The following CDH10 variants were observed in gnomAD, a reference collection of about 807,000 sequenced individuals.
CDH10 encodes cadherin 10.
A neutral mutation model predicts 73.1 loss-of-function variants in CDH10; 30 were observed. That is an observed-to-expected ratio of 0.41 (90% CI 0.31 to 0.56). The LOEUF (loss-of-function observed/expected upper bound fraction) is 0.56. CDH10 is among the 20% of genes least tolerant of loss of function. The probability of loss-of-function intolerance (pLI) is 0.27; values close to 1 mark genes in which losing one functional copy is unlikely to be tolerated. For missense variants in CDH10, 815 were observed against 973.7 expected (o/e 0.84, Z 2.17); for synonymous variants, 345 against 348.2 (o/e 0.99, Z 0.10).
rs774023585 is a variant in CDH10, at chr5:24,487,718, C to A, written c.2312G>T (p.Arg771Leu). 6.2e-7 allele frequency: 1 copy of A among 1,613,092 alleles called. No individual in the cohort carries two copies. The highest frequency in any genetic ancestry group is 8.5e-7 in the Non-Finnish European group (1 of 1,179,632). ...ATACATTTCTGCTAGCTTATTAAAC[C>A]GAGGGCCCCATTCTCGGAGGTAATC... ...NYDYLREWGP[R>L]FNKLAEMYGG... Residue 771 changes from arginine to leucine, a missense_variant, in exon 12 of 12, where the codon CGG becomes CTG. Arg to Leu is a moderately radical substitution (Grantham distance 102). Transcript: ENST00000264463.
At chr5:24,504,506 C>CTGTTTTGTT (rs1554016940) in intron 8 of CDH10, among the ~76,000 whole-genome samples, 1 of 65,206 alleles carries the variant, frequency 1.5e-5, no homozygotes, top group East Asian at 5.4e-4. Context: ...TCCTATTAAT[C>CTGTTTTGTT]TTTTTTTTTT....
intron 6 of CDH10, among the ~76,000 whole-genome samples, chr5:24,510,979 G>T (rs1742881104): frequency 6.6e-6 from 1 of 152,044 alleles, no homozygotes; most frequent in African/African-American, 2.4e-5. Flanking sequence ...ACCCCCAACT[G>T]GGATGATATA....
At chr5:24,632,330 T>C (rs1223693100) in intron 1 of CDH10, among the ~76,000 whole-genome samples, 2 of 36,808 alleles carry the variant, frequency 5.4e-5, no homozygotes, top group East Asian at 1.6e-3. Flanking sequence ...TATACTCTTA[T>C]ATACACCATT....
intron 8 of CDH10, among the ~76,000 whole-genome samples, chr5:24,502,086 A>ATT (rs35593836): frequency 1.5e-4 from 23 of 151,354 alleles, no homozygotes; most frequent in Admixed American, 3.3e-4. Flanking sequence ...CGTCCGGCTC[A>ATT]TTTTTTTGTA....
chr5:24,487,848 G>T lies in CDH10; in HGVS notation c.2182C>A (p.Pro728Thr), dbSNP rs1261325788. Residue 728 changes from proline to threonine, a missense_variant, in exon 12 of 12, where the codon CCC becomes ACC. Transcript: ENST00000264463. Reference sequence around the variant, plus strand: ...TAGGTTGCAAGTGAGTCGTAGGGGGGTGCGGTGGGGTCAAGATCATGCTCT... The same window carrying T: ...TAGGTTGCAAGTGAGTCGTAGGGGGTTGCGGTGGGGTCAAGATCATGCTCT... ...LKEHDLDPTA[P>T]PYDSLATYAY... The T allele has an allele frequency of 1.2e-6, 2 of 1,613,858 alleles. No individual in the cohort carries two copies. The highest frequency in any genetic ancestry group is 1.6e-4 in the Middle Eastern group (1 of 6,062).
chr5:24,568,857 A>C lies in CDH10; in HGVS notation c.231+24403T>G, dbSNP rs552866642. ...CCAGGAGCGGTGGTTCACACTTGTAATCCCAGCACTTTGGGAGGCTAAGGT... is the reference window on the plus strand; with the variant it reads ...CCAGGAGCGGTGGTTCACACTTGTACTCCCAGCACTTTGGGAGGCTAAGGT... On this transcript the variant is annotated intron_variant, in intron 2 of 11. Coordinates refer to ENST00000264463, the MANE Select transcript of CDH10 (RefSeq NM_006727.5). Among the ~76,000 whole-genome samples the C allele has an allele frequency of 1.1e-4, 17 of 152,228 alleles. 1 individual carries two copies. The highest frequency in any genetic ancestry group is 3.9e-4 in the African/African-American group (16 of 41,520).
chr5:24,542,756 C>T (rs1455784535), intron 2 of CDH10, among the ~76,000 whole-genome samples: 1 of 152,182 alleles, frequency 6.6e-6, no homozygotes, highest in African/African-American at 2.4e-5. Flanking sequence ...TAAGGGCCCT[C>T]TTTCTGGTTT....
intron 8 of CDH10, among the ~76,000 whole-genome samples, chr5:24,500,479 C>T (rs1347484501): frequency 6.6e-6 from 1 of 152,222 alleles, no homozygotes; most frequent in Non-Finnish European, 1.5e-5. Flanking sequence ...TATGTTGTTG[C>T]ATATTATCCA....
chr5:24,623,802 T>C (rs1747395393), intron 1 of CDH10, among the ~76,000 whole-genome samples: 1 of 152,166 alleles, frequency 6.6e-6, no homozygotes, highest in African/African-American at 2.4e-5. Flanking sequence ...ATATGTGTTT[T>C]TAGGGATTTG....
chr5:24,515,228 C>A (rs1743063977), intron 5 of CDH10, among the ~76,000 whole-genome samples: 1 of 152,036 alleles, frequency 6.6e-6, no homozygotes. Flanking sequence ...TAAAAATATA[C>A]CAAAATCTAC....
intron 2 of CDH10, among the ~76,000 whole-genome samples, chr5:24,548,226 C>T (rs539210282): frequency 2.6e-5 from 4 of 152,162 alleles, no homozygotes; most frequent in African/African-American, 9.6e-5. Context: ...CTCCCAGCTT[C>T]AAGCGATTCT....
intron 1 of CDH10, among the ~76,000 whole-genome samples, chr5:24,636,194 A>G (rs1747861959): frequency 6.6e-6 from 1 of 151,950 alleles, no homozygotes; most frequent in Admixed American, 6.6e-5. Flanking sequence ...AATCATGACA[A>G]TTGTCCTATG....
In CDH10 at chr5:24,492,979, A is replaced by C. The variant is rs1012828938; in HGVS notation, c.1516-54T>G. On this transcript the variant is annotated intron_variant, in intron 9 of 11. Coordinates refer to ENST00000264463, the MANE Select transcript of CDH10 (RefSeq NM_006727.5). ...AATATATCTCTTATCCATGGGTATA[A>C]TCTGCACTTAAGATCTTCATTTTGT... The C allele has an allele frequency of 1.1e-5, 8 of 743,838 alleles. No homozygotes were observed. The African/African-American group carries it at 1.4e-4, about 13-fold the overall frequency. The allele number at this position is 743,838 out of a possible 1,614,324, so 46.1% of individuals were successfully genotyped here.
At chr5:24,618,956 T>C (rs1266346104) in intron 1 of CDH10, among the ~76,000 whole-genome samples, 2 of 152,206 alleles carry the variant, frequency 1.3e-5, no homozygotes, top group Admixed American at 6.5e-5. Flanking sequence ...TTAATTGTTT[T>C]AATGTGTTCT....
chr5:24,540,031 G>T (rs1236935270), intron 2 of CDH10, among the ~76,000 whole-genome samples: 1 of 151,912 alleles, frequency 6.6e-6, no homozygotes, highest in Non-Finnish European at 1.5e-5. Flanking sequence ...TTTTAATTGA[G>T]AAATATTTGC....
intron 2 of CDH10, among the ~76,000 whole-genome samples, chr5:24,580,708 T>G (rs1445144591): frequency 6.6e-6 from 1 of 152,164 alleles, no homozygotes; most frequent in African/African-American, 2.4e-5. Flanking sequence ...ACAAACCCAA[T>G]GAATTAAAAC....
At chr5:24,639,174 C>T (rs1747961001) in intron 1 of CDH10, among the ~76,000 whole-genome samples, 1 of 151,470 alleles carries the variant, frequency 6.6e-6, no homozygotes, top group African/African-American at 2.4e-5. Flanking sequence ...TATTTGGAAA[C>T]ATTATGGTGC....
At chr5:24,559,046 T>C (rs956872819) in intron 2 of CDH10, among the ~76,000 whole-genome samples, 2 of 151,908 alleles carry the variant, frequency 1.3e-5, no homozygotes, top group African/African-American at 2.4e-5. Context: ...GTTTGAATTA[T>C]TTGTTTTAAC....
rs549017901 is a variant in CDH10 at position 24,493,249 on chromosome 5, C to T, written c.1516-324G>A. ...TACACATTGATCTGGAAGAGTTTTT[C>T]GAATGTCAGAAAAATTTAGGAAATT... On this transcript the variant is annotated intron_variant, in intron 9 of 11. Transcript: ENST00000264463. Among the ~76,000 whole-genome samples, 36 of 151,754 alleles carry T rather than the reference C, an allele frequency of 2.4e-4. No individual in the cohort carries two copies. In the East Asian group the frequency reaches 2.5e-3, roughly 11 times the overall value.
Sources: gnomAD v4.1 joint callset for allele counts (sites outside exome capture counted in the v4.1 genomes callset) on GRCh38, gnomAD v4.1.1 for gene constraint, MANE v1.5 for transcripts, NCBI Gene and HGNC (gene_info 2026-07-23, HGNC 2026-07-21) for gene names.